Variants in TBC1D8 observed in about 807,000 individuals in gnomAD.
TBC1D8 encodes the protein BUB2-like protein 1.
Under a neutral mutation model 118.8 loss-of-function variants are expected in TBC1D8, and 65 were observed. That is an observed-to-expected ratio of 0.55 (90% CI 0.45 to 0.67). TBC1D8 has a LOEUF of 0.67. Ranked by LOEUF, TBC1D8 falls within the 30% of genes least tolerant of loss-of-function variation. The pLI is 0.00. For missense variants in TBC1D8, 1,376 were observed against 1,471.2 expected (o/e 0.94, Z 1.06); for synonymous variants, 566 against 595.8 (o/e 0.95, Z 0.73).
Position 101,007,391 on chromosome 2 carries a change from A to G in TBC1D8, c.*430T>C, listed in dbSNP as rs929360524. The G allele has an allele frequency of 6.0e-6, 1 of 165,608 alleles. No homozygotes were observed. Among genetic ancestry groups the G allele is most frequent in the African/African-American group, 2.4e-5 (1 of 41,686 alleles). The allele number at this position is 165,608 out of a possible 1,614,324, so 10.3% of individuals were successfully genotyped here. A position where few individuals can be genotyped will look rare whatever the true frequency, so the allele number is the denominator to read the frequency against. ...ACAGTGCAAAAAAAAGCCAAATACA[A>G]TTGCACAGATAGTGGACTCCCTTAG... On this transcript the variant is annotated 3_prime_UTR_variant, in exon 20 of 20. Transcript: ENST00000409318.
chr2:101,100,642 T>C (rs1346601773), intron 1 of TBC1D8, among the ~76,000 whole-genome samples: 1 of 152,150 alleles, frequency 6.6e-6, no homozygotes, highest in Non-Finnish European at 1.5e-5. Context: ...CAAACTATAC[T>C]ACAAGGCTAC....
chr2:101,115,171 G>T (rs896706890), intron 1 of TBC1D8, among the ~76,000 whole-genome samples: 4 of 152,184 alleles, frequency 2.6e-5, no homozygotes, highest in African/African-American at 9.7e-5. Context: ...ACAGACAGCG[G>T]TCACCCAATC....
In TBC1D8 at chr2:101,007,744, T is replaced by C; in HGVS notation, c.*77A>G. 18 of 1,463,268 alleles carry C rather than the reference T, an allele frequency of 1.2e-5. No individual in the cohort carries two copies. The South Asian group carries it at 2.2e-4, about 18-fold the overall frequency. The allele number at this position is 1,463,268 out of a possible 1,614,324, so 90.6% of individuals were successfully genotyped here. On this transcript the variant is annotated 3_prime_UTR_variant, in exon 20 of 20. Coordinates refer to ENST00000409318, the MANE Select transcript of TBC1D8 (RefSeq NM_001330348.2). Reference sequence around the variant, plus strand: ...GGTAAGGTAGACTGAAATCTCGGTTTAGGGCTGACCCCAAGAAACAGTCTG... The same window carrying C: ...GGTAAGGTAGACTGAAATCTCGGTTCAGGGCTGACCCCAAGAAACAGTCTG...
At chr2:101,068,658 G>A (rs1425288540) in intron 2 of TBC1D8, 2 of 495,534 alleles carry the variant, frequency 4.0e-6, no homozygotes, top group South Asian at 4.3e-5. Flanking sequence ...ATAACCCACT[G>A]GATGATACCT....
At chr2:101,062,615 T>G (rs1164242539) in intron 2 of TBC1D8, among the ~76,000 whole-genome samples, 2 of 152,170 alleles carry the variant, frequency 1.3e-5, no homozygotes, top group Non-Finnish European at 2.9e-5. Context: ...TACTCTAGGG[T>G]CCTTCCATAA....
chr2:101,138,082 GA>G (rs939333578), intron 1 of TBC1D8, among the ~76,000 whole-genome samples: 1 of 152,192 alleles, frequency 6.6e-6, no homozygotes, highest in African/African-American at 2.4e-5. Flanking sequence ...GAGGAAGAGG[GA>G]GAGGGGGAAG....
chr2:101,131,035 C>G (rs1678569115), intron 1 of TBC1D8, among the ~76,000 whole-genome samples: 3 of 151,110 alleles, frequency 2.0e-5, no homozygotes. Flanking sequence ...CACCCAGGAC[C>G]CCTGGGAAAC....
At chr2:101,111,065 A>T (rs1677558758) in intron 1 of TBC1D8, among the ~76,000 whole-genome samples, 1 of 152,140 alleles carries the variant, frequency 6.6e-6, no homozygotes. Context: ...GACCACATGA[A>T]GTCCTTTCTA....
chr2:101,146,233 G>C (rs1049337649), intron 1 of TBC1D8, among the ~76,000 whole-genome samples: 23 of 152,122 alleles, frequency 1.5e-4, no homozygotes, highest in African/African-American at 5.3e-4. Context: ...CTAACTCAAA[G>C]CCTCTCAGTC....
chr2:101,140,305 C>T (rs1679045697), intron 1 of TBC1D8, among the ~76,000 whole-genome samples: 1 of 152,126 alleles, frequency 6.6e-6, no homozygotes. Flanking sequence ...AAGTACCTGA[C>T]TAAATTAGAT....
chr2:101,029,697 G>C lies in TBC1D8; in HGVS notation c.2016C>G (p.Leu672=). The C allele has an allele frequency of 6.2e-7, 1 of 1,614,034 alleles. No homozygotes were observed. The highest frequency in any genetic ancestry group is 8.5e-7 in the Non-Finnish European group (1 of 1,179,890). ...AGAGAGAGACGGACGCCAGGGCTGA[G>C]AGGTCGTTCATGTGCTCTGCCAGCT... is the stretch of plus-strand genomic sequence containing the variant. ...LPELAEHMND[L]SALASVSLSW... Residue 672 remains leucine (L), a synonymous_variant, in exon 12 of 20, where the codon CTC becomes CTG. Transcript: ENST00000409318.
At chr2:101,068,863 G>C (rs965503031) in intron 2 of TBC1D8, among the ~76,000 whole-genome samples, 1 of 152,080 alleles carries the variant, frequency 6.6e-6, no homozygotes, top group Non-Finnish European at 1.5e-5. Context: ...GCTGAGCGTG[G>C]TGGTGGGGCG....
At chr2:101,041,499 C>T (rs1035580412) in intron 5 of TBC1D8, among the ~76,000 whole-genome samples, 1 of 152,034 alleles carries the variant, frequency 6.6e-6, no homozygotes, top group African/African-American at 2.4e-5. Context: ...TCTCTAGAGA[C>T]AGAAAATAGA....
rs567139871 is a variant in TBC1D8, at chr2:101,118,492, C to T, written c.128-28128G>A. On this transcript the variant is annotated intron_variant, in intron 1 of 19. Transcript: ENST00000409318. ...CGGGTGGATCACAAGGTCAGGAGATCGAGACCATCCTGGCTAACACGGTGA... is the reference window on the plus strand; with the variant it reads ...CGGGTGGATCACAAGGTCAGGAGATTGAGACCATCCTGGCTAACACGGTGA... Among the ~76,000 whole-genome samples the T allele has an allele frequency of 7.4e-4, 111 of 149,936 alleles. 1 individual carries two copies. In the South Asian group the frequency reaches 0.011, roughly 15 times the overall value.
intron 5 of TBC1D8, among the ~76,000 whole-genome samples, chr2:101,045,694 G>A (rs932563170): frequency 1.3e-5 from 2 of 152,302 alleles, no homozygotes; most frequent in African/African-American, 4.8e-5. Context: ...TCTACGTGAT[G>A]TGCTCCCCCA....
chr2:101,073,216 T>C (rs919356785), intron 2 of TBC1D8, among the ~76,000 whole-genome samples: 2 of 152,172 alleles, frequency 1.3e-5, no homozygotes, highest in African/African-American at 4.8e-5. Flanking sequence ...AATTTCTAGA[T>C]AGCATCTTCT....
chr2:101,093,882 G>T (rs1374547188), intron 1 of TBC1D8, among the ~76,000 whole-genome samples: 1 of 152,034 alleles, frequency 6.6e-6, no homozygotes, highest in Non-Finnish European at 1.5e-5. Flanking sequence ...GCTAATTTTT[G>T]TATTTTAGTA....
At chr2:101,063,428 C>A (rs1468469097) in intron 2 of TBC1D8, among the ~76,000 whole-genome samples, 5 of 152,140 alleles carry the variant, frequency 3.3e-5, no homozygotes, top group Non-Finnish European at 7.4e-5. Flanking sequence ...GCTTTTGTTC[C>A]AATCTACCCT....
At chr2:101,010,838 C>T (rs1032666888) in intron 19 of TBC1D8, 91 bp downstream of exon 19, 25 of 1,061,236 alleles carry the variant, frequency 2.4e-5, no homozygotes, top group Admixed American at 2.2e-4. Flanking sequence ...GCTGAGATCG[C>T]GCCACTGTAC....
Sources: allele counts gnomAD v4.1 joint callset (sites outside exome capture counted in the v4.1 genomes callset), GRCh38; gene constraint gnomAD v4.1.1; transcripts MANE v1.5; gene names NCBI Gene and HGNC (gene_info 2026-07-23, HGNC 2026-07-21).